The following CNTNAP2 variants were observed in gnomAD, a reference collection of about 807,000 sequenced individuals.
The protein encoded by CNTNAP2 is contactin-associated protein-like 2.
CNTNAP2 carries 98 observed loss-of-function variants against 155.2 expected under a neutral mutation model. The ratio of observed to expected loss-of-function variants is 0.63; its 90% CI spans 0.54 to 0.75. CNTNAP2 has a LOEUF of 0.75. Ranked by LOEUF, CNTNAP2 falls within the 30% of genes least tolerant of loss-of-function variation. CNTNAP2 has a pLI of 0.00. For synonymous variants in CNTNAP2, 651 were observed against 631.2 expected, an observed-to-expected ratio of 1.03 and a Z score of -0.47; for missense variants, 1,727 against 1,688.1, an observed-to-expected ratio of 1.02 and a Z score of -0.40.
At chr7:147,191,873 C>T (rs1438400697) in intron 8 of CNTNAP2, among the ~76,000 whole-genome samples, 1 of 152,128 alleles carries the variant, frequency 6.6e-6, no homozygotes, top group African/African-American at 2.4e-5. Flanking sequence ...AGAGCATGGG[C>T]AACTCTGTTT....
At chr7:148,069,791 A>C (rs1803347795) in intron 15 of CNTNAP2, among the ~76,000 whole-genome samples, 2 of 151,690 alleles carry the variant, frequency 1.3e-5, no homozygotes, top group South Asian at 2.1e-4. Context: ...GAAAGAAAGA[A>C]TGGGGAGGGG....
chr7:147,451,785 A>C (rs772303284), intron 10 of CNTNAP2, among the ~76,000 whole-genome samples: 17 of 151,136 alleles, frequency 1.1e-4, no homozygotes, highest in Admixed American at 2.0e-4. Context: ...AAAAAAACTC[A>C]CATTGAAATT....
intron 3 of CNTNAP2, among the ~76,000 whole-genome samples, chr7:147,025,869 T>A (rs1798910324): frequency 6.6e-6 from 1 of 151,116 alleles, no homozygotes; most frequent in Admixed American, 6.6e-5. Flanking sequence ...TTTTTTTAAA[T>A]TTTTATATAT....
intron 13 of CNTNAP2, among the ~76,000 whole-genome samples, chr7:147,862,161 T>A (rs1799147312): frequency 6.6e-6 from 1 of 152,176 alleles, no homozygotes; most frequent in Non-Finnish European, 1.5e-5. Flanking sequence ...CCTTTTGGCC[T>A]GTCCATCATC....
At chr7:147,527,073 A>T (rs1371062633) in intron 11 of CNTNAP2, among the ~76,000 whole-genome samples, 1 of 113,076 alleles carries the variant, frequency 8.8e-6, no homozygotes, top group African/African-American at 3.7e-5. Flanking sequence ...CCTGGGCTGG[A>T]GTGCAGTGGT....
chr7:146,443,180 C>T (rs1272922459), intron 1 of CNTNAP2, among the ~76,000 whole-genome samples: 3 of 151,676 alleles, frequency 2.0e-5, no homozygotes, highest in African/African-American at 4.8e-5. Flanking sequence ...CGCCACTGCA[C>T]TCCAGCCTTG....
intron 3 of CNTNAP2, among the ~76,000 whole-genome samples, chr7:146,874,513 C>T (rs1332249317): frequency 1.3e-5 from 2 of 151,796 alleles, no homozygotes; most frequent in Admixed American, 1.3e-4. Context: ...CTAATTTTTG[C>T]ATTTTTGTAG....
intron 20 of CNTNAP2, among the ~76,000 whole-genome samples, chr7:148,233,022 A>G: frequency 6.6e-6 from 1 of 152,200 alleles, no homozygotes; most frequent in East Asian, 1.9e-4. Flanking sequence ...CCCATGGCAT[A>G]CCTCCAGTGG....
At chr7:147,706,916 G>T (rs2117011041) in intron 13 of CNTNAP2, among the ~76,000 whole-genome samples, 1 of 152,034 alleles carries the variant, frequency 6.6e-6, no homozygotes, top group Admixed American at 6.5e-5. Context: ...CTAATATATT[G>T]TTGAAGCTTT....
intron 1 of CNTNAP2, among the ~76,000 whole-genome samples, chr7:146,124,311 C>T (rs1797604910): frequency 6.6e-6 from 1 of 151,980 alleles, no homozygotes; most frequent in African/African-American, 2.4e-5. Context: ...TTTGAACTAA[C>T]AGAAAACACA....
chr7:148,099,602 G>C (rs889163643), intron 15 of CNTNAP2, among the ~76,000 whole-genome samples: 1 of 151,916 alleles, frequency 6.6e-6, no homozygotes, highest in African/African-American at 2.4e-5. Context: ...GTTGGTCTAG[G>C]ATGAGGTCTT....
chr7:146,367,241 T>C (rs2129102045), intron 1 of CNTNAP2, among the ~76,000 whole-genome samples: 1 of 152,254 alleles, frequency 6.6e-6, no homozygotes, highest in Non-Finnish European at 1.5e-5. Context: ...CCTAATTTAA[T>C]CCTCATAAAA....
intron 13 of CNTNAP2, among the ~76,000 whole-genome samples, chr7:147,739,910 C>T (rs189821759): frequency 2.3e-4 from 35 of 152,108 alleles, no homozygotes; most frequent in Non-Finnish European, 4.4e-4. Flanking sequence ...GGATTTGAGG[C>T]CTGCTGGGAG....
intron 22 of CNTNAP2, among the ~76,000 whole-genome samples, chr7:148,385,817 A>C (rs538529684): frequency 6.2e-5 from 9 of 144,674 alleles, no homozygotes; most frequent in Admixed American, 2.8e-4. Context: ...GCACCATTGC[A>C]ACCTCTGCCT....
chr7:146,463,557 C>T (rs1175157486), intron 1 of CNTNAP2, among the ~76,000 whole-genome samples: 1 of 151,576 alleles, frequency 6.6e-6, no homozygotes, highest in African/African-American at 2.4e-5. Context: ...ATATATGATA[C>T]ACACACACAT....
intron 21 of CNTNAP2, among the ~76,000 whole-genome samples, chr7:148,277,593 C>CA (rs540287466): frequency 0.072 from 10,665 of 148,660 alleles, 497 homozygotes; most frequent in African/African-American, 0.12. Flanking sequence ...AGGACCGCCC[C>CA]CCACCACCAC....
intron 1 of CNTNAP2, among the ~76,000 whole-genome samples, chr7:146,349,631 G>A (rs1191458968): frequency 1.3e-5 from 2 of 152,108 alleles, no homozygotes; most frequent in Admixed American, 1.3e-4. Context: ...TATGTTTAGT[G>A]CTTCCCTAAG....
At chr7:146,396,267 C>T (rs992639188) in intron 1 of CNTNAP2, among the ~76,000 whole-genome samples, 8 of 152,066 alleles carry the variant, frequency 5.3e-5, no homozygotes, top group African/African-American at 1.9e-4. Flanking sequence ...ATTTTACTCA[C>T]AACATTTCAA....
intron 13 of CNTNAP2, among the ~76,000 whole-genome samples, chr7:147,713,820 A>C (rs1304503880): frequency 1.3e-5 from 2 of 152,170 alleles, no homozygotes; most frequent in Non-Finnish European, 2.9e-5. Flanking sequence ...TAGTGGTATC[A>C]CATAATGGTT....
Sources: allele counts gnomAD v4.1 joint callset (sites outside exome capture counted in the v4.1 genomes callset), GRCh38; gene constraint gnomAD v4.1.1; transcripts MANE v1.5; gene names NCBI Gene and HGNC (gene_info 2026-07-23, HGNC 2026-07-21).